Variants in NUDT7 observed in about 807,000 individuals in gnomAD.
The protein encoded by NUDT7 is peroxisomal coenzyme A diphosphatase NUDT7.
Under a neutral mutation model 13.1 loss-of-function variants are expected in NUDT7, and 19 were observed. The observed-to-expected ratio is 1.45, with a 90% CI of 1.01 to 2.13. The LOEUF (loss-of-function observed/expected upper bound fraction) is 2.13, where lower values mean the gene tolerates loss of function less well. Ranked by LOEUF, NUDT7 falls within the 30% of genes most tolerant of loss-of-function variation. The probability of loss-of-function intolerance (pLI) is 0.00; values close to 1 mark genes in which losing one functional copy is unlikely to be tolerated. For synonymous variants in NUDT7, 132 were observed against 109.7 expected (o/e 1.20, Z -1.27); for missense variants, 360 against 291.7 (o/e 1.23, Z -1.71).
In NUDT7 at chr16:77,741,683, C is replaced by A. The variant is rs1432571634; in HGVS notation, c.450C>A (p.Ala150=). The A allele has an allele frequency of 1.2e-6, 2 of 1,614,162 alleles. No homozygotes were observed. Among genetic ancestry groups the A allele is most frequent in the South Asian group, 1.1e-5 (1 of 91,080 alleles). The change falls in exon 4 of 4, where the codon GCC becomes GCA. Residue 150 remains alanine (A), a synonymous_variant. Transcript: ENST00000268533. ...AGGATGTATTCCTGGTGCCTCTGGCCTATTTCCTGCATCCACAGGTCCATG... is the reference window on the plus strand; with the variant it reads ...AGGATGTATTCCTGGTGCCTCTGGCATATTTCCTGCATCCACAGGTCCATG... ...EVKDVFLVPL[A]YFLHPQVHDQ...
Position 77,725,589 on chromosome 16 carries a change from G to T in NUDT7, c.189+5G>T. On this transcript the variant is annotated splice_donor_5th_base_variant and intron_variant, in intron 2 of 3. Transcript: ENST00000268533. ...TTCACCGTCCGGTCAGAGAAGGTAG[G>T]TGGACAAAAAATTTCCTGCCCTTAA... The T allele has an allele frequency of 6.2e-7, 1 of 1,612,676 alleles. No homozygotes were observed. Among genetic ancestry groups the T allele is most frequent in the African/African-American group, 1.3e-5 (1 of 74,964 alleles).
At chr16:77,735,691 C>T (rs539247186) in intron 2 of NUDT7, 137 bp from the exon 3 acceptor site, 15 of 765,572 alleles carry the variant, frequency 2.0e-5, no homozygotes, top group Non-Finnish European at 3.1e-5. Flanking sequence ...CATTTGTGGG[C>T]AATAGGGGTC....
At chr16:77,740,744 C>T (rs762139432) in intron 3 of NUDT7, among the ~76,000 whole-genome samples, 11 of 151,800 alleles carry the variant, frequency 7.2e-5, no homozygotes, top group Non-Finnish European at 7.4e-5. Flanking sequence ...GACGGGATTT[C>T]ATCATGTTGG....
chr16:77,727,022 G>A (rs1432867881), intron 2 of NUDT7, among the ~76,000 whole-genome samples: 1 of 152,106 alleles, frequency 6.6e-6, no homozygotes, highest in Non-Finnish European at 1.5e-5. Flanking sequence ...CGGATCTCAT[G>A]AGAACTCACT....
intron 2 of NUDT7, among the ~76,000 whole-genome samples, chr16:77,732,448 C>T (rs547691618): frequency 2.6e-5 from 4 of 152,188 alleles, no homozygotes; most frequent in Non-Finnish European, 4.4e-5. Context: ...ACCACCCACT[C>T]ATTCACTGAC....
intron 2 of NUDT7, among the ~76,000 whole-genome samples, chr16:77,732,771 C>A (rs763946948): frequency 1.3e-5 from 2 of 152,036 alleles, no homozygotes; most frequent in Non-Finnish European, 2.9e-5. Context: ...CAGAACGTGT[C>A]CCTGTTGTTG....
At chr16:77,729,048 A>C (rs1024372237) in intron 2 of NUDT7, among the ~76,000 whole-genome samples, 1 of 152,196 alleles carries the variant, frequency 6.6e-6, no homozygotes, top group African/African-American at 2.4e-5. Context: ...ATTAGGCTGC[A>C]GCTTTACTTG....
At chr16:77,735,572 C>G in intron 2 of NUDT7, 1 of 563,690 alleles carries the variant, frequency 1.8e-6, no homozygotes, top group Non-Finnish European at 3.2e-6. Flanking sequence ...TATAGCAGTG[C>G]AAGAACAGAT....
intron 2 of NUDT7, 119 bp from the exon 3 acceptor site, chr16:77,735,709 C>G: frequency 1.1e-6 from 1 of 921,520 alleles, no homozygotes; most frequent in South Asian, 1.7e-5. Flanking sequence ...GTCTTGATAC[C>G]ACCACCTGGG....
chr16:77,724,099 G>C (rs1296662602), intron 1 of NUDT7, among the ~76,000 whole-genome samples: 1 of 152,114 alleles, frequency 6.6e-6, no homozygotes, highest in Non-Finnish European at 1.5e-5. Flanking sequence ...GGTATCGGCA[G>C]GGCCTCACTC....
intron 2 of NUDT7, among the ~76,000 whole-genome samples, chr16:77,733,307 G>T (rs1338462977): frequency 1.3e-5 from 2 of 152,182 alleles, no homozygotes; most frequent in African/African-American, 4.8e-5. Flanking sequence ...GCTGCCAGAA[G>T]ATTTGGAGTC....
intron 2 of NUDT7, among the ~76,000 whole-genome samples, chr16:77,730,373 G>T (rs186195026): frequency 2.0e-5 from 3 of 152,102 alleles, no homozygotes; most frequent in Admixed American, 6.5e-5. Flanking sequence ...ATGAGATCAT[G>T]TGGCATCTGT....
intron 2 of NUDT7, chr16:77,735,394 C>A: frequency 1.7e-6 from 1 of 576,316 alleles, no homozygotes; most frequent in Non-Finnish European, 3.1e-6. Flanking sequence ...CCCGCTCCAG[C>A]CATGTGAAGT....
At chr16:77,738,106 C>G (rs972652866) in intron 3 of NUDT7, among the ~76,000 whole-genome samples, 9 of 152,170 alleles carry the variant, frequency 5.9e-5, no homozygotes, top group African/African-American at 2.2e-4. Context: ...GTGTCAATTA[C>G]TTTTCCATTT....
intron 3 of NUDT7, chr16:77,736,634 A>AT (rs528196679): frequency 0.034 from 7,238 of 213,280 alleles, no homozygotes; most frequent in South Asian, 0.08. Flanking sequence ...TTTCTTTTTT[A>AT]TTTTTTTTTT....
rs1417506500 is a variant in NUDT7 at position 77,732,623 on chromosome 16, T to C, written c.190-3205T>C. On this transcript the variant is annotated intron_variant, in intron 2 of 3. Transcript: ENST00000268533. ...CTATTGCCTGCAATATCCAGGACAGTAAAATGGTATACAGGTTGTAACCCA... is the reference window on the plus strand; with the variant it reads ...CTATTGCCTGCAATATCCAGGACAGCAAAATGGTATACAGGTTGTAACCCA... 2.0e-5 allele frequency among the ~76,000 whole-genome samples: 3 copies of C among 152,200 alleles called. No homozygotes were observed. The East Asian group carries it at 5.8e-4, about 29-fold the overall frequency.
chr16:77,735,010 A>C (rs1019633170), intron 2 of NUDT7, among the ~76,000 whole-genome samples: 3 of 152,214 alleles, frequency 2.0e-5, no homozygotes, highest in Admixed American at 2.0e-4. Flanking sequence ...TCGTTCAAAA[A>C]TTAGTAGCTT....
rs764050331 is a variant in NUDT7, at chr16:77,735,877, C to G, written c.239C>G (p.Pro80Arg). Reference sequence around the variant, plus strand: ...TGCTTCCCTGGAGGTAAGCGTGACCCTACAGACATGGATGATGCAGCCACA... The same window carrying G: ...TGCTTCCCTGGAGGTAAGCGTGACCGTACAGACATGGATGATGCAGCCACA... Reference protein sequence around the residue: ...EVCFPGGKRDPTDMDDAATAL... With the variant: ...EVCFPGGKRDRTDMDDAATAL... The change falls in exon 3 of 4, where the codon CCT becomes CGT. Residue 80 changes from proline (P) to arginine (R), a missense_variant. Coordinates refer to ENST00000268533, the MANE Select transcript of NUDT7 (RefSeq NM_001105663.3). 1 of 1,614,070 alleles carries G rather than the reference C, an allele frequency of 6.2e-7. No homozygotes were observed. Among genetic ancestry groups the G allele is most frequent in the East Asian group, 2.2e-5 (1 of 44,876 alleles).
In NUDT7 at chr16:77,725,596, A is replaced by G; in HGVS notation, c.189+12A>G. On this transcript the variant is annotated intron_variant, in intron 2 of 3. Coordinates refer to ENST00000268533, the MANE Select transcript of NUDT7 (RefSeq NM_001105663.3). The stretch of plus-strand genomic sequence containing the variant: ...TCCGGTCAGAGAAGGTAGGTGGACA[A>G]AAAATTTCCTGCCCTTAAACCTCAG... The G allele has an allele frequency of 6.2e-7, 1 of 1,612,816 alleles. No homozygotes were observed. The highest frequency in any genetic ancestry group is 8.5e-7 in the Non-Finnish European group (1 of 1,179,436).
Sources: allele counts gnomAD v4.1 joint callset (sites outside exome capture counted in the v4.1 genomes callset), GRCh38; gene constraint gnomAD v4.1.1; transcripts MANE v1.5; gene names NCBI Gene and HGNC (gene_info 2026-07-23, HGNC 2026-07-21).